The following PLCH2 variants were observed in gnomAD, a reference collection of about 807,000 sequenced individuals.
PLCH2 encodes the protein phospholipase C eta 2.
PLCH2 carries 98 observed loss-of-function variants against 134.7 expected under a neutral mutation model. The ratio of observed to expected loss-of-function variants is 0.73; its 90% CI spans 0.62 to 0.86. The LOEUF is 0.86. Among genes scored for constraint, PLCH2 ranks in the 40% least tolerant of loss-of-function variants. PLCH2 has a pLI of 0.00. For synonymous variants in PLCH2, 974 were observed against 827.5 expected, an observed-to-expected ratio of 1.18 and a Z score of -3.04; for missense variants, 1,994 against 1,986.6, an observed-to-expected ratio of 1.00 and a Z score of -0.07.
chr1:2,463,837 A>C (rs947620946), upstream of PLCH2, among the ~76,000 whole-genome samples: 1 of 152,248 alleles, frequency 6.6e-6, no homozygotes, highest in African/African-American at 2.4e-5. Context: ...CCCTTGGAGA[A>C]CTGCTGGTCC....
chr1:2,499,304 TGA>T, intron 19 of PLCH2, 74 bp downstream of exon 19: 1 of 1,535,180 alleles, frequency 6.5e-7, no homozygotes, highest in South Asian at 1.2e-5. Flanking sequence ...CTTTCCCCTG[TGA>T]GTCAGTGCCT....
upstream of PLCH2, among the ~76,000 whole-genome samples, chr1:2,424,763 G>A (rs578058860): frequency 1.1e-4 from 16 of 152,254 alleles, no homozygotes; most frequent in East Asian, 3.9e-4. Context: ...CAAGGCGGGC[G>A]GATCACGAGG....
the PLCH2 span, among the ~76,000 whole-genome samples, chr1:2,418,718 G>A: frequency 6.6e-6 from 1 of 152,254 alleles, no homozygotes. Flanking sequence ...GCCTGCCTCC[G>A]CAGGTCCTGT....
At chr1:2,426,351 C>T (rs943918064) in intron 1 of PLCH2, among the ~76,000 whole-genome samples, 2 of 152,236 alleles carry the variant, frequency 1.3e-5, no homozygotes, top group Admixed American at 1.3e-4. Flanking sequence ...TCTTTACTTT[C>T]TCCACCTGGC....
At chr1:2,484,949 C>A (rs116318677) in intron 5 of PLCH2, among the ~76,000 whole-genome samples, 2 of 152,140 alleles carry the variant, frequency 1.3e-5, no homozygotes, top group South Asian at 2.1e-4. Flanking sequence ...GAACACCCTG[C>A]GCCTCCCACA....
At chr1:2,502,512 A>T in intron 21 of PLCH2, 103 bp downstream of exon 21, 1 of 1,186,586 alleles carries the variant, frequency 8.4e-7, no homozygotes, top group South Asian at 1.3e-5. Flanking sequence ...ACATGCATGA[A>T]GTGTGTGGTG....
intron 2 of PLCH2, among the ~76,000 whole-genome samples, chr1:2,457,879 GAAAA>G (rs5772068): frequency 9.0e-6 from 1 of 110,792 alleles, no homozygotes; most frequent in Admixed American, 9.9e-5. Flanking sequence ...TTTTAGACCT[GAAAA>G]AAAAAAAAAA....
At position 2,448,236 on chromosome 1, in the gene PLCH2, A is replaced by G. The variant is rs1055722346; in HGVS notation, c.115+17607A>G. 1.3e-5 allele frequency among the ~76,000 whole-genome samples: 2 copies of G among 152,140 alleles called. No individual in the cohort carries two copies. Among genetic ancestry groups the G allele is most frequent in the African/African-American group, 4.8e-5 (2 of 41,426 alleles). ...TGGGACCGGCTGCCGTGCACTGGCC[A>G]CTAAAAACGCCGCACGCTTATTCTC... is the stretch of plus-strand genomic sequence containing the variant. On this transcript the variant is annotated intron_variant, in intron 2 of 3. Coordinates refer to the PLCH2 transcript ENST00000609981. The surrounding 1 kb of genome is among the most constrained non-coding windows in gnomAD (Gnocchi z 4.0).
intron 2 of PLCH2, 26 bp from the exon 3 acceptor site, chr1:2,479,708 A>G: frequency 6.6e-7 from 1 of 1,521,378 alleles, no homozygotes; most frequent in Non-Finnish European, 8.9e-7. Flanking sequence ...CGGGGACCTG[A>G]CCCGTGCTCC....
intron 2 of PLCH2, among the ~76,000 whole-genome samples, chr1:2,437,552 T>C (rs1249388942): frequency 6.6e-6 from 1 of 151,834 alleles, no homozygotes; most frequent in Non-Finnish European, 1.5e-5. Flanking sequence ...TCCTGTCCCA[T>C]GTCCCACTCT....
chr1:2,503,876 T>TCTGCTTCTCCCTCTGGCTCTCTC, intron 21 of PLCH2, 46 bp from the exon 22 acceptor site: 2 of 681,664 alleles, frequency 2.9e-6, no homozygotes, highest in South Asian at 3.2e-5. Flanking sequence ...CTCTCTCTCT[T>TCTGCTTCTCCCTCTGGCTCTCTC]CTGCTTCTCC....
intron 2 of PLCH2, among the ~76,000 whole-genome samples, chr1:2,460,301 G>T (rs889467664): frequency 2.0e-5 from 3 of 152,278 alleles, no homozygotes; most frequent in Admixed American, 6.5e-5. Flanking sequence ...GTGTCTCCCA[G>T]ACCAGAAGCC....
chr1:2,437,258 G>A (rs1639467989), intron 2 of PLCH2, among the ~76,000 whole-genome samples: 2 of 152,134 alleles, frequency 1.3e-5, no homozygotes, highest in East Asian at 1.9e-4. Context: ...GGTGGGCTGC[G>A]AGCCCCTCTT....
intron 1 of PLCH2, among the ~76,000 whole-genome samples, chr1:2,469,844 G>A (rs1641243657): frequency 6.6e-6 from 1 of 152,212 alleles, no homozygotes; most frequent in Non-Finnish European, 1.5e-5. Context: ...CGTTTCCTCT[G>A]GCTCCTGAGA....
At chr1:2,484,703 T>C in intron 5 of PLCH2, 85 bp downstream of exon 5, 1 of 1,447,148 alleles carries the variant, frequency 6.9e-7, no homozygotes. Context: ...CAGGGGACAG[T>C]GGTGATGGGG....
In PLCH2 at chr1:2,499,645, C is replaced by T. The variant is rs1186026390; in HGVS notation, c.2586C>T (p.Tyr862=). The T allele has an allele frequency of 1.3e-6, 2 of 1,599,702 alleles. No homozygotes were observed. The change falls in exon 20 of 22, where the codon TAC becomes TAT. Residue 862 remains tyrosine, a synonymous_variant. Transcript: ENST00000378486. ...TLAFSSMMPG[Y]RHVYLEGMEE... ...TGCTGACCCACACTGCTCCAGGCTACAGACACGTGTACCTAGAAGGGATGG... is the reference window on the plus strand; with the variant it reads ...TGCTGACCCACACTGCTCCAGGCTATAGACACGTGTACCTAGAAGGGATGG...
Position 2,448,508 on chromosome 1 carries a change from G to T in PLCH2, c.115+17879G>T, listed in dbSNP as rs562198908. Among the ~76,000 whole-genome samples the T allele has an allele frequency of 1.3e-5, 2 of 152,144 alleles. No individual in the cohort carries two copies. The highest frequency in any genetic ancestry group is 2.4e-5 in the African/African-American group (1 of 41,424). Reference sequence around the variant, plus strand: ...CTGGGTCATTCGGGACGATCTCCTCGGCGCAGGCCTTTCACTGAGCACGCC... The same window carrying T: ...CTGGGTCATTCGGGACGATCTCCTCTGCGCAGGCCTTTCACTGAGCACGCC... On this transcript the variant is annotated intron_variant, in intron 2 of 3. Coordinates refer to the PLCH2 transcript ENST00000609981. The surrounding 1 kb of genome is among the most constrained non-coding windows in gnomAD (Gnocchi z 4.0).
intron 2 of PLCH2, among the ~76,000 whole-genome samples, chr1:2,459,941 G>A (rs1482278394): frequency 6.6e-6 from 1 of 152,244 alleles, no homozygotes; most frequent in African/African-American, 2.4e-5. Context: ...CAGTGGAAGC[G>A]TCCATCGGCC....
At chr1:2,499,583 C>T (rs1430476772) in intron 19 of PLCH2, 58 bp from the exon 20 acceptor site, 5 of 1,269,754 alleles carry the variant, frequency 3.9e-6, no homozygotes, top group Non-Finnish European at 5.6e-6. Flanking sequence ...GGGGGCAGAG[C>T]AGGTGGGGGC....
Sources: allele counts gnomAD v4.1 joint callset (sites outside exome capture counted in the v4.1 genomes callset), GRCh38; gene constraint gnomAD v4.1.1; non-coding constraint Gnocchi (gnomAD v3.1); transcripts MANE v1.5; gene names NCBI Gene and HGNC (gene_info 2026-07-23, HGNC 2026-07-21).